The following CRX variants were observed in gnomAD, a reference collection of about 807,000 sequenced individuals.
The protein encoded by CRX is cone-rod homeobox protein.
In CRX, 5 loss-of-function variants were observed where a neutral mutation model predicts 13.1. That is an observed-to-expected ratio of 0.38 (90% CI 0.20 to 0.80). The LOEUF is 0.80. CRX is among the 30% of genes least tolerant of loss of function. The pLI, the probability that CRX is intolerant of heterozygous loss-of-function variation, is 0.43. For missense variants in CRX, 351 were observed against 391.8 expected, an observed-to-expected ratio of 0.90 and a Z score of 0.88; for synonymous variants, 179 against 171.1, an observed-to-expected ratio of 1.05 and a Z score of -0.36.
chr19:47,822,955 A>C (rs2123727766), intron 1 of CRX, among the ~76,000 whole-genome samples: 1 of 151,600 alleles, frequency 6.6e-6, no homozygotes, highest in African/African-American at 2.4e-5. Flanking sequence ...CCCCATGCCC[A>C]GCTATTTTTT....
intron 1 of CRX, 41 bp downstream of exon 1, chr19:47,822,051 A>C (rs983750020): frequency 6.5e-6 from 1 of 152,848 alleles, no homozygotes; most frequent in Non-Finnish European, 1.5e-5. Flanking sequence ...CGAGGAGGGG[A>C]GAAAAAAGAG....
At chr19:47,834,905 C>T (rs1968097350) in intron 2 of CRX, among the ~76,000 whole-genome samples, 2 of 152,128 alleles carry the variant, frequency 1.3e-5, no homozygotes, top group Admixed American at 1.3e-4. Flanking sequence ...CCTCGAACTC[C>T]TGGGCTCAAG....
Position 47,834,534 on chromosome 19 carries a change from C to A in CRX, c.91C>A (p.Pro31Thr), listed in dbSNP as rs1453222875. 1.9e-6 allele frequency: 3 copies of A among 1,613,440 alleles called. No individual in the cohort carries two copies. The highest frequency in any genetic ancestry group is 2.2e-5 in the East Asian group (1 of 44,832). Residue 31 changes from proline to threonine, a missense_variant, in exon 2 of 4, where the codon CCC becomes ACC. Physicochemically the swap from Pro to Thr is conservative, Grantham distance 38 (BLOSUM62 -1). Transcript: ENST00000221996. ...PSVDLMHQAV[P>T]YPSAPRKQRR... The stretch of plus-strand genomic sequence containing the variant: ...TGTGGATCTGATGCACCAGGCTGTG[C>A]CCTACCCAAGTGAGTACAGTCGTTT...
At chr19:47,831,974 G>A (rs1391037816) in intron 1 of CRX, among the ~76,000 whole-genome samples, 1 of 150,666 alleles carries the variant, frequency 6.6e-6, no homozygotes. Context: ...CCCGACCTCA[G>A]GTGATCCGCC....
intron 1 of CRX, among the ~76,000 whole-genome samples, chr19:47,827,561 CAG>C (rs1198521412): frequency 1.5e-5 from 1 of 68,960 alleles, no homozygotes; most frequent in Non-Finnish European, 2.9e-5. Context: ...TTTTTTTTGA[CAG>C]AGTCTTGCTC....
Position 47,839,573 on chromosome 19 carries a change from C to T in CRX, c.506C>T (p.Ser169Phe). ...TCCATCTGGAGCCCAGCCTCAGAGTCCCCTTTGCCTGAGGCGCAGCGGGCT... is the reference window on the plus strand; with the variant it reads ...TCCATCTGGAGCCCAGCCTCAGAGTTCCCTTTGCCTGAGGCGCAGCGGGCT... ...TVSIWSPASE[S>F]PLPEAQRAGL... is the part of the protein sequence containing the mutation. Residue 169 changes from serine to phenylalanine, a missense_variant, in exon 4 of 4, where the codon TCC becomes TTC. Around this residue, in one of 3 missense-constraint regions of CRX, gnomAD observed 253 missense variants for 268.3 expected, o/e 0.94. Coordinates refer to ENST00000221996, the MANE Select transcript of CRX (RefSeq NM_000554.6). This position sits in a 1 kb window ranked among gnomAD's most constrained non-coding sequence, Gnocchi z 4.6. The T allele has an allele frequency of 6.2e-7, 1 of 1,612,426 alleles. No homozygotes were observed. The highest frequency in any genetic ancestry group is 1.1e-5 in the South Asian group (1 of 91,024).
chr19:47,832,253 G>A (rs1445204254), intron 1 of CRX, among the ~76,000 whole-genome samples: 1 of 146,770 alleles, frequency 6.8e-6, no homozygotes, highest in Non-Finnish European at 1.5e-5. Flanking sequence ...TTACAGGCAC[G>A]CGCCACCATG....
At chr19:47,832,287 G>T in intron 1 of CRX, among the ~76,000 whole-genome samples, 1 of 134,280 alleles carries the variant, frequency 7.4e-6, no homozygotes, top group Non-Finnish European at 1.5e-5. Flanking sequence ...TGTATTTTCT[G>T]CAGAGACGGG....
rs900654983 is a variant in CRX at position 47,839,776 on chromosome 19, C to T, written c.709C>T (p.Leu237Phe). 4.3e-6 allele frequency: 7 copies of T among 1,614,024 alleles called. No homozygotes were observed. Among genetic ancestry groups the T allele is most frequent in the African/African-American group, 2.7e-5 (2 of 74,922 alleles). ...PQLGGPALSP[L>F]SGPSVGPSLA... ...GCTAGGGGGCCCGGCTCTTAGCCCC[C>T]TCTCTGGCCCCTCCGTGGGACCTTC... The change falls in exon 4 of 4, where the codon CTC becomes TTC. Residue 237 changes from leucine to phenylalanine, a missense_variant. This residue lies in a region of CRX where 253 missense variants were observed against 268.3 expected (regional missense o/e 0.94). Coordinates refer to ENST00000221996, the MANE Select transcript of CRX (RefSeq NM_000554.6). This position sits in a 1 kb window ranked among gnomAD's most constrained non-coding sequence, Gnocchi z 4.6.
At chr19:47,825,766 A>G (rs1217707213) in intron 1 of CRX, among the ~76,000 whole-genome samples, 2 of 108,236 alleles carry the variant, frequency 1.8e-5, no homozygotes. Flanking sequence ...CTAAAAATAC[A>G]AAAAAAAAAT....
In CRX at chr19:47,839,535, A is replaced by C; in HGVS notation, c.468A>C (p.Ala156=). The C allele has an allele frequency of 6.2e-7, 1 of 1,613,504 alleles. No homozygotes were observed. The highest frequency in any genetic ancestry group is 8.5e-7 in the Non-Finnish European group (1 of 1,179,732). Residue 156 remains alanine, a synonymous_variant, in exon 4 of 4, where the codon GCA becomes GCC. Coordinates refer to ENST00000221996, the MANE Select transcript of CRX (RefSeq NM_000554.6). The surrounding 1 kb of genome is among the most constrained non-coding windows in gnomAD (Gnocchi z 4.6). The part of the protein sequence containing the change: ...LPGPSGSPTT[A]VATVSIWSPA... ...GCCCCTCAGGCTCCCCAACCACGGCAGTGGCCACTGTGTCCATCTGGAGCC... is the reference window on the plus strand; with the variant it reads ...GCCCCTCAGGCTCCCCAACCACGGCCGTGGCCACTGTGTCCATCTGGAGCC...
intron 1 of CRX, among the ~76,000 whole-genome samples, chr19:47,833,746 T>C (rs1364077995): frequency 1.4e-5 from 2 of 147,708 alleles, no homozygotes; most frequent in African/African-American, 5.1e-5. Context: ...TCCTGGGTTA[T>C]AAGTGAGGCT....
In CRX at chr19:47,830,399, A is replaced by C. The variant is rs139585462; in HGVS notation, c.-35-4010A>C. On this transcript the variant is annotated intron_variant, in intron 1 of 3. Transcript: ENST00000221996. ...TATTTAAGTCATGAATGAAGGAACCAGCTGTTTCAAAGGAGAATTTGGGCC... is the reference window on the plus strand; with the variant it reads ...TATTTAAGTCATGAATGAAGGAACCCGCTGTTTCAAAGGAGAATTTGGGCC... Among the ~76,000 whole-genome samples the C allele has an allele frequency of 1.5e-3, 224 of 151,578 alleles. 3 individuals carry two copies. The East Asian group carries it at 0.042, about 29-fold the overall frequency.
At chr19:47,823,590 T>C (rs1967938136) in intron 1 of CRX, among the ~76,000 whole-genome samples, 1 of 151,200 alleles carries the variant, frequency 6.6e-6, no homozygotes, top group African/African-American at 2.4e-5. Context: ...GGGAGGGCCC[T>C]GAATGTGGCT....
chr19:47,836,317 G>T lies in CRX; in HGVS notation c.175G>T (p.Ala59Ser), dbSNP rs1405463340. Residue 59 changes from alanine to serine, a missense_variant, in exon 3 of 4, where the codon GCC (alanine) becomes TCC (serine). Physicochemically the swap from Ala to Ser is moderately conservative, Grantham distance 99 (BLOSUM62 1). Coordinates refer to ENST00000221996, the MANE Select transcript of CRX (RefSeq NM_000554.6). ...SQLEELEALF[A>S]KTQYPDVYAR... ...ACTGGAGGAGCTGGAGGCACTGTTT[G>T]CCAAGACCCAGTACCCAGACGTCTA... 6.2e-7 allele frequency: 1 copy of T among 1,614,206 alleles called. No homozygotes were observed. The highest frequency in any genetic ancestry group is 1.7e-5 in the Admixed American group (1 of 60,018).
chr19:47,834,421 G>A lies in CRX; in HGVS notation c.-23G>A. 2 of 1,577,492 alleles carry A rather than the reference G, an allele frequency of 1.3e-6. No individual in the cohort carries two copies. The highest frequency in any genetic ancestry group is 1.7e-6 in the Non-Finnish European group (2 of 1,146,630). ...TCTTCTCTTGCAGGCCCCCTGACTT[G>A]GGCCTCAGTGTCCCCGAAGATCATG... On this transcript the variant is annotated 5_prime_UTR_variant, in exon 2 of 4. Transcript: ENST00000221996.
chr19:47,829,880 C>G (rs1394300256), intron 1 of CRX, among the ~76,000 whole-genome samples: 4 of 151,616 alleles, frequency 2.6e-5, no homozygotes, highest in Non-Finnish European at 5.9e-5. Context: ...AGCAATCTGC[C>G]CACCTTGACC....
intron 2 of CRX, 64 bp from the exon 3 acceptor site, chr19:47,836,179 G>A: frequency 6.2e-7 from 1 of 1,602,136 alleles, no homozygotes; most frequent in South Asian, 1.1e-5. Context: ...ATCCCACCCA[G>A]CCTCAGGGCC....
Position 47,835,413 on chromosome 19 carries a change from G to A in CRX, c.101-830G>A, listed in dbSNP as rs145701894. On this transcript the variant is annotated intron_variant, in intron 2 of 3. Coordinates refer to ENST00000221996, the MANE Select transcript of CRX (RefSeq NM_000554.6). ...TCTTTCGAGACACAGTTTAGACGGA[G>A]TTTCGCTCCTGCCCAGGCTGGAGTG... 2.0e-3 allele frequency among the ~76,000 whole-genome samples: 306 copies of A among 150,584 alleles called. 1 individual carries two copies. The highest frequency in any genetic ancestry group is 7.1e-3 in the African/African-American group (292 of 40,948).
Sources: gnomAD v4.1 joint callset for allele counts (sites outside exome capture counted in the v4.1 genomes callset) on GRCh38, gnomAD v4.1.1 for gene constraint, gnomAD v4.1.1 regional missense constraint, Gnocchi (gnomAD v3.1) non-coding constraint, MANE v1.5 for transcripts, NCBI Gene and HGNC (gene_info 2026-07-23, HGNC 2026-07-21) for gene names.